Variants in PCDHA2 observed in about 807,000 individuals in gnomAD.
PCDHA2 encodes protocadherin alpha-2.
A neutral mutation model predicts 66.0 loss-of-function variants in PCDHA2; 58 were observed. That is an observed-to-expected ratio of 0.88 (90% confidence interval 0.71 to 1.09). The LOEUF (loss-of-function observed/expected upper bound fraction) is 1.09. Ranked by LOEUF, PCDHA2 falls within the 50% of genes least tolerant of loss-of-function variation. PCDHA2 has a pLI of 0.00. For synonymous variants in PCDHA2, 634 were observed against 554.0 expected (o/e 1.14, Z -2.03); for missense variants, 1,267 against 1,242.3 (o/e 1.02, Z -0.30).
chr5:140,803,118 G>A, intron 1 of PCDHA2: 2 of 1,613,812 alleles, frequency 1.2e-6, no homozygotes, highest in Non-Finnish European at 1.7e-6. Flanking sequence ...GGACGAGGTG[G>A]ACGCCCCGCG....
rs142842369 is a variant in PCDHA2, at chr5:140,884,425, T to G, written c.2388+87073T>G. ...TGGTGCTCACGTTGCTGCTGTATAC[T>G]GCGCTGCGGTGCTCGGCACCGCCCA... On this transcript the variant is annotated intron_variant, in intron 1 of 3. Coordinates refer to ENST00000526136, the MANE Select transcript of PCDHA2 (RefSeq NM_018905.3). 1.3e-3 allele frequency: 2,026 copies of G among 1,613,950 alleles called. 4 individuals carry two copies. Among genetic ancestry groups the G allele is most frequent in the Admixed American group, 3.6e-3 (219 of 60,032 alleles).
At chr5:140,811,629 G>A (rs2126630282) in intron 1 of PCDHA2, 8 of 152,132 alleles carry the variant, frequency 5.3e-5, no homozygotes, top group South Asian at 4.1e-4. Context: ...GTGTAAAAGC[G>A]TTACTATTTC....
chr5:140,823,506 C>T (rs145855942), intron 1 of PCDHA2: 24 of 1,613,158 alleles, frequency 1.5e-5, no homozygotes, highest in Middle Eastern at 3.3e-4. Context: ...GCGCAGTGAG[C>T]GAGCTGGTGC....
At chr5:141,005,627 G>A (rs1051972778) in intron 3 of PCDHA2, among the ~76,000 whole-genome samples, 1 of 148,378 alleles carries the variant, frequency 6.7e-6, no homozygotes, top group Non-Finnish European at 1.5e-5. Flanking sequence ...GCGTGAACCC[G>A]GGAGGCGGAG....
rs191892568 is a variant in PCDHA2, at chr5:140,903,945, C to T, written c.2389-75004C>T. 2.6e-5 allele frequency among the ~76,000 whole-genome samples: 4 copies of T among 152,280 alleles called. No homozygotes were observed. In the East Asian group the frequency reaches 5.8e-4, roughly 22 times the overall value. ...TGCATTGGATAATACCTCTTAAATA[C>T]TGGAAAATTATTTGTTGATTTTTGG... On this transcript the variant is annotated intron_variant, in intron 1 of 3. Transcript: ENST00000526136.
chr5:140,998,809 C>T (rs782698811), intron 3 of PCDHA2, among the ~76,000 whole-genome samples: 14 of 152,212 alleles, frequency 9.2e-5, no homozygotes, highest in Non-Finnish European at 1.9e-4. Context: ...GGTGATCTGC[C>T]TGCCTTGGCC....
intron 1 of PCDHA2, among the ~76,000 whole-genome samples, chr5:140,845,892 T>C (rs1282025011): frequency 4.0e-5 from 6 of 149,784 alleles, no homozygotes; most frequent in African/African-American, 1.5e-4. Context: ...CAGAAAGTCG[T>C]TATGGCCTTC....
rs112947494 is a variant in PCDHA2, at chr5:140,841,828, C to T, written c.2388+44476C>T. The T allele has an allele frequency of 2.2e-3, 3,483 of 1,613,892 alleles. 96 individuals are homozygous for T. In the African/African-American group the frequency reaches 0.04, roughly 19 times the overall value. ...ATGTTGGAGCTAACTCCGTGTTAAC[C>T]TACAGGCTTAGCTCTCATGATTACT... On this transcript the variant is annotated intron_variant, in intron 1 of 3. Transcript: ENST00000526136.
chr5:140,991,748 T>C (rs1192231997), intron 3 of PCDHA2, among the ~76,000 whole-genome samples: 4 of 152,224 alleles, frequency 2.6e-5, no homozygotes, highest in Non-Finnish European at 4.4e-5. Flanking sequence ...AGGCTCTTTC[T>C]ATCATGCTCT....
Position 141,010,072 on chromosome 5 carries a change from C to T in PCDHA2, c.*135C>T. The T allele has an allele frequency of 3.1e-6, 5 of 1,606,334 alleles. No individual in the cohort carries two copies. The highest frequency in any genetic ancestry group is 4.3e-6 in the Non-Finnish European group (5 of 1,176,104). On this transcript the variant is annotated 3_prime_UTR_variant, in exon 4 of 4. Transcript: ENST00000526136. Reference sequence around the variant, plus strand: ...ACCTCAGAAATCTGCAGAAAGTTCCCTGTGTCTGTCTAGAACGCATTTAAC... The same window carrying T: ...ACCTCAGAAATCTGCAGAAAGTTCCTTGTGTCTGTCTAGAACGCATTTAAC...
At chr5:140,927,471 C>A (rs1371582285) in intron 1 of PCDHA2, 2 of 1,613,968 alleles carry the variant, frequency 1.2e-6, no homozygotes, top group African/African-American at 1.3e-5. Flanking sequence ...CACTGGATCG[C>A]GAACAGCGCG....
At chr5:140,852,398 C>T (rs150537989) in intron 1 of PCDHA2, 9,331 of 183,690 alleles carry the variant, frequency 0.051, 796 homozygotes, top group Middle Eastern at 0.071. Context: ...CTGCCTCAGC[C>T]TCCTGAGTAG....
chr5:140,978,061 A>G (rs1307101965), intron 1 of PCDHA2, among the ~76,000 whole-genome samples: 1 of 152,202 alleles, frequency 6.6e-6, no homozygotes, highest in Non-Finnish European at 1.5e-5. Flanking sequence ...ATGATGTCCC[A>G]GTGATTTCTG....
In PCDHA2 at chr5:140,928,021, T is replaced by G. The variant is rs1554205382; in HGVS notation, c.2389-50928T>G. ...CCTCGATTCTAATGGTAGGGTCATT[T>G]GTGGCATGTCTAGTGCAGGCCCTTT... On this transcript the variant is annotated intron_variant, in intron 1 of 3. Coordinates refer to ENST00000526136, the MANE Select transcript of PCDHA2 (RefSeq NM_018905.3). 3 of 1,614,220 alleles carry G rather than the reference T, an allele frequency of 1.9e-6. No individual in the cohort carries two copies. The African/African-American group carries it at 4.0e-5, about 22-fold the overall frequency.
intron 1 of PCDHA2, among the ~76,000 whole-genome samples, chr5:140,940,086 A>G (rs373629874): frequency 6.6e-6 from 1 of 152,214 alleles, no homozygotes; most frequent in African/African-American, 2.4e-5. Flanking sequence ...TTTCTGCTAA[A>G]TTGAAACTTT....
Position 141,010,015 on chromosome 5 carries a change from C to T in PCDHA2, c.*78C>T, listed in dbSNP as rs1588250671. On this transcript the variant is annotated 3_prime_UTR_variant, in exon 4 of 4. Transcript: ENST00000526136. ...CTCTCCCATGTAGCAATTCCCTGCTCCTTTTTCCTATCTACATGAGCCCTC... is the reference window on the plus strand; with the variant it reads ...CTCTCCCATGTAGCAATTCCCTGCTTCTTTTTCCTATCTACATGAGCCCTC... 7 of 1,572,182 alleles carry T rather than the reference C, an allele frequency of 4.5e-6. No individual in the cohort carries two copies. In the East Asian group the frequency reaches 1.3e-4, roughly 30 times the overall value.
intron 1 of PCDHA2, chr5:140,810,570 AAGTTGAGTACCTTT>A (rs1764685550): frequency 6.6e-6 from 1 of 152,366 alleles, no homozygotes; most frequent in South Asian, 2.1e-4. Flanking sequence ...TATTTAAATG[AAGTTGAGTACCTTT>A]CTATTTTATT....
Position 140,853,023 on chromosome 5 carries a change from C to T in PCDHA2, c.2388+55671C>T, listed in dbSNP as rs1239749008. On this transcript the variant is annotated intron_variant, in intron 1 of 3. Transcript: ENST00000526136. ...CCTCCCGAGTAGCTGGGACTACAGG[C>T]GCCTGCCACCATGCCCGCCTAATTT... 6 of 257,856 alleles carry T rather than the reference C, an allele frequency of 2.3e-5. 1 individual carries two copies. The highest frequency in any genetic ancestry group is 1.2e-4 in the African/African-American group (5 of 42,466). 16.0% of individuals were successfully genotyped at this position (257,856 alleles called of 1,614,324 possible). A position where few individuals can be genotyped will look rare whatever the true frequency, so the allele number is the denominator to read the frequency against.
intron 1 of PCDHA2, chr5:140,805,292 A>G: frequency 7.9e-7 from 1 of 1,272,422 alleles, no homozygotes; most frequent in Non-Finnish European, 9.9e-7. Context: ...AATGGGTGAA[A>G]ATGGAATTCT....
Sources: gnomAD v4.1 joint callset for allele counts (sites outside exome capture counted in the v4.1 genomes callset) on GRCh38, gnomAD v4.1.1 for gene constraint, MANE v1.5 for transcripts, NCBI Gene and HGNC (gene_info 2026-07-23, HGNC 2026-07-21) for gene names.